The following DNAH10 variants were observed in gnomAD, a reference collection of about 807,000 sequenced individuals.
DNAH10 encodes dynein axonemal heavy chain 10, also known as axonemal beta dynein heavy chain 10.
Under a neutral mutation model 506.6 loss-of-function variants are expected in DNAH10, and 348 were observed. The observed-to-expected ratio is 0.69, with a 90% CI of 0.63 to 0.75. DNAH10 has a LOEUF of 0.75. DNAH10 is among the 30% of genes least tolerant of loss of function. The pLI is 0.00. For missense variants in DNAH10, 5,179 were observed against 5,787.1 expected (o/e 0.89, Z 3.41); for synonymous variants, 2,059 against 2,198.6 (o/e 0.94, Z 1.78).
intron 45 of DNAH10, among the ~76,000 whole-genome samples, chr12:123,873,035 C>A (rs184080672): frequency 6.6e-6 from 1 of 152,358 alleles, no homozygotes; most frequent in African/African-American, 2.4e-5. Context: ...TTCCTGCCGG[C>A]AGTTAGTCCC....
At chr12:123,796,595 ATCTT>A in intron 12 of DNAH10, 57 bp from the exon 13 acceptor site, 1 of 1,466,156 alleles carries the variant, frequency 6.8e-7, no homozygotes, top group Non-Finnish European at 9.2e-7. Flanking sequence ...TTCAAATCTC[ATCTT>A]TCTTGGCTAA....
intron 9 of DNAH10, among the ~76,000 whole-genome samples, chr12:123,786,373 G>A (rs1350609375): frequency 6.8e-6 from 1 of 147,320 alleles, no homozygotes; most frequent in Non-Finnish European, 1.5e-5. Flanking sequence ...ACAGAATTGT[G>A]CAGCCGTAAC....
rs1955124896 is a variant in DNAH10 at position 123,929,833 on chromosome 12, T to G, written c.12612+74T>G. ...CTGTGGCCTCGTGCCCCTATTTTCC[T>G]CTGAGCCCTCAGAACCAGCCTCTTC... On this transcript the variant is annotated intron_variant, in intron 72 of 78. Transcript: ENST00000673944. 2.2e-6 allele frequency: 3 copies of G among 1,394,062 alleles called. No homozygotes were observed. The Admixed American group carries it at 6.0e-5, about 28-fold the overall frequency. 86.4% of individuals were successfully genotyped at this position (1,394,062 alleles called of 1,614,324 possible). A position where few individuals can be genotyped will look rare whatever the true frequency, so the allele number is the denominator to read the frequency against.
chr12:123,884,103 G>A (rs949676530), intron 51 of DNAH10, among the ~76,000 whole-genome samples: 3 of 151,844 alleles, frequency 2.0e-5, no homozygotes, highest in Admixed American at 1.3e-4. Context: ...ACGTGATCTC[G>A]GCTCACTGCA....
chr12:123,934,439 C>A, intron 77 of DNAH10, 182 bp from the exon 78 acceptor site: 1 of 774,208 alleles, frequency 1.3e-6, no homozygotes, highest in Non-Finnish European at 2.2e-6. Flanking sequence ...GTCTGGGCTG[C>A]TCCTCCACAG....
chr12:123,909,705 T>A lies in DNAH10; in HGVS notation c.9997+263T>A, dbSNP rs1953980570. On this transcript the variant is annotated intron_variant, in intron 58 of 78. Transcript: ENST00000673944. The surrounding 1 kb of genome is among the most constrained non-coding windows in gnomAD (Gnocchi z 5.4). ...TCGGCACTAGTCCTAGCTCTCCGTG[T>A]CAGGAAACAGGATCTTCTCATTGGA... Among the ~76,000 whole-genome samples, 1 of 152,210 alleles carries A rather than the reference T, an allele frequency of 6.6e-6. No individual in the cohort carries two copies. The highest frequency in any genetic ancestry group is 2.4e-5 in the African/African-American group (1 of 41,458).
chr12:123,775,702 A>C (rs1372656727), intron 5 of DNAH10, among the ~76,000 whole-genome samples: 1 of 152,126 alleles, frequency 6.6e-6, no homozygotes. Context: ...GCAGGGGAAC[A>C]ACAGGATCTG....
chr12:123,931,280 G>A (rs1955192301), intron 73 of DNAH10, 61 bp from the exon 74 acceptor site: 1 of 1,596,414 alleles, frequency 6.3e-7, no homozygotes, highest in Non-Finnish European at 8.5e-7. Flanking sequence ...TTGAGGCTGT[G>A]GGCCCTGAGA....
Position 123,762,441 on chromosome 12 carries a change from G to A in DNAH10, c.105G>A (p.Gln35=), listed in dbSNP as rs1956859731. Reference sequence around the variant, plus strand: ...ACCTGCTCAACCGCGACGACGGCCAGGGCGAGGACCTCATCTTGCACTTCC... The same window carrying A: ...ACCTGCTCAACCGCGACGACGGCCAAGGCGAGGACCTCATCTTGCACTTCC... ...FEDLLNRDDG[Q]GEDLILHFLN... The change falls in exon 1 of 79, where the codon CAG becomes CAA. Residue 35 remains glutamine (Q), a synonymous_variant. Transcript: ENST00000673944. This position sits in a 1 kb window ranked among gnomAD's most constrained non-coding sequence, Gnocchi z 5.0. 6.9e-6 allele frequency: 10 copies of A among 1,453,822 alleles called. No individual in the cohort carries two copies. Among genetic ancestry groups the A allele is most frequent in the South Asian group, 5.6e-5 (4 of 71,310 alleles). The allele number at this position is 1,453,822 out of a possible 1,614,324, so 90.1% of individuals were successfully genotyped here.
chr12:123,873,433 G>C, intron 45 of DNAH10, 125 bp from the exon 46 acceptor site: 2 of 1,064,962 alleles, frequency 1.9e-6, no homozygotes, highest in South Asian at 1.7e-5. Flanking sequence ...TCTCACACTG[G>C]GTTATTAAAA....
chr12:123,929,701 C>A lies in DNAH10; in HGVS notation c.12554C>A (p.Ala4185Asp). 1 of 1,613,646 alleles carries A rather than the reference C, an allele frequency of 6.2e-7. No individual in the cohort carries two copies. Among genetic ancestry groups the A allele is most frequent in the Non-Finnish European group, 8.5e-7 (1 of 1,179,754 alleles). ...MEILNTYLTKAFQQRDPRIPW... is the reference protein window; with the variant it reads ...MEILNTYLTKDFQQRDPRIPW... Reference sequence around the variant, plus strand: ...ATTCTGAACACGTACTTAACGAAAGCCTTCCAGCAACGGGACCCAAGGATC... The same window carrying A: ...ATTCTGAACACGTACTTAACGAAAGACTTCCAGCAACGGGACCCAAGGATC... Residue 4185 changes from alanine to aspartate, a missense_variant, in exon 72 of 79, where the codon GCC becomes GAC. Ala to Asp is a moderately radical substitution (Grantham distance 126). Transcript: ENST00000673944.
At chr12:123,922,031 AT>A (rs1462566964) in intron 65 of DNAH10, among the ~76,000 whole-genome samples, 2 of 151,574 alleles carry the variant, frequency 1.3e-5, no homozygotes, top group Admixed American at 6.6e-5. Context: ...GCAAAATTTT[AT>A]TGCTATTGTC....
At chr12:123,877,252 C>T (rs1034130757) in intron 47 of DNAH10, among the ~76,000 whole-genome samples, 3 of 152,142 alleles carry the variant, frequency 2.0e-5, no homozygotes, top group East Asian at 1.9e-4. Flanking sequence ...CTTCACTCCT[C>T]ATCATGTTCT....
intron 11 of DNAH10, among the ~76,000 whole-genome samples, chr12:123,791,751 A>G (rs1328776376): frequency 6.6e-6 from 1 of 152,160 alleles, no homozygotes; most frequent in African/African-American, 2.4e-5. Flanking sequence ...AAAATTTTTA[A>G]GTAGAGATGA....
chr12:123,909,219 A>G lies in DNAH10; in HGVS notation c.9816-42A>G. 1 of 1,598,084 alleles carries G rather than the reference A, an allele frequency of 6.3e-7. No individual in the cohort carries two copies. Among genetic ancestry groups the G allele is most frequent in the South Asian group, 1.1e-5 (1 of 88,170 alleles). On this transcript the variant is annotated intron_variant, in intron 57 of 78. Transcript: ENST00000673944. This position sits in a 1 kb window ranked among gnomAD's most constrained non-coding sequence, Gnocchi z 5.4. Reference sequence around the variant, plus strand: ...CTCTCTTTCAGGCCAGATCCTGGCCACATCCCGGGGTTGTGACCCACGTGC... The same window carrying G: ...CTCTCTTTCAGGCCAGATCCTGGCCGCATCCCGGGGTTGTGACCCACGTGC...
Position 123,853,228 on chromosome 12 carries a change from T to C in DNAH10, c.6314T>C (p.Val2105Ala), listed in dbSNP as rs1353926176. The C allele has an allele frequency of 1.2e-6, 2 of 1,607,982 alleles. No individual in the cohort carries two copies. The highest frequency in any genetic ancestry group is 4.5e-5 in the East Asian group (2 of 44,774). The change falls in exon 36 of 79, where the codon GTT becomes GCT. Residue 2105 changes from valine (V) to alanine (A), a missense_variant. By Grantham distance (64) the Val-to-Ala change is moderately conservative (BLOSUM62 0). Coordinates refer to ENST00000673944, the MANE Select transcript of DNAH10 (RefSeq NM_001372106.1). The surrounding 1 kb of genome is among the most constrained non-coding windows in gnomAD (Gnocchi z 4.7). ...AAGACTCTGGCGAAAAAGATGACGG[T>C]TCTGTATAAGCTGGCCCGGGAGCAG... ...EAKTLAKKMT[V>A]LYKLAREQLS... is the part of the protein sequence containing the mutation.
chr12:123,771,777 G>A, intron 3 of DNAH10, 79 bp downstream of exon 3: 2 of 1,178,944 alleles, frequency 1.7e-6, no homozygotes, highest in Non-Finnish European at 2.4e-6. Flanking sequence ...AACTGACATA[G>A]CCCCATCCAA....
At chr12:123,851,120 C>G (rs1280028826) in intron 35 of DNAH10, 44 bp downstream of exon 35, 3 of 1,520,748 alleles carry the variant, frequency 2.0e-6, no homozygotes, top group Admixed American at 4.1e-5. Context: ...GCAGACTTCA[C>G]CCGGGTCTGC....
intron 9 of DNAH10, among the ~76,000 whole-genome samples, chr12:123,786,418 A>G (rs1231019958): frequency 2.0e-5 from 3 of 151,016 alleles, no homozygotes; most frequent in Non-Finnish European, 4.4e-5. Flanking sequence ...TTCATCCCTC[A>G]AAAGAAAACG....
Sources: gnomAD v4.1 joint callset for allele counts (sites outside exome capture counted in the v4.1 genomes callset) on GRCh38, gnomAD v4.1.1 for gene constraint, Gnocchi (gnomAD v3.1) non-coding constraint, MANE v1.5 for transcripts, NCBI Gene and HGNC (gene_info 2026-07-23, HGNC 2026-07-21) for gene names.